GALNTL5: variants seen among roughly 807,000 people sequenced by gnomAD.
The protein encoded by GALNTL5 is polypeptide N-acetylgalactosaminyltransferase like 5.
In GALNTL5, 44 loss-of-function variants were observed where a neutral mutation model predicts 51.0. That is an observed-to-expected ratio of 0.86 (90% CI 0.68 to 1.11). GALNTL5 has a LOEUF of 1.11. Among genes scored for constraint, GALNTL5 ranks in the 50% least tolerant of loss-of-function variants. GALNTL5 has a pLI of 0.00. For missense variants in GALNTL5, 528 were observed against 531.8 expected, an observed-to-expected ratio of 0.99 and a Z score of 0.07; for synonymous variants, 192 against 182.8, an observed-to-expected ratio of 1.05 and a Z score of -0.41.
chr7:152,003,520 C>T (rs1470516404), intron 6 of GALNTL5, among the ~76,000 whole-genome samples: 4 of 152,144 alleles, frequency 2.6e-5, no homozygotes, highest in Non-Finnish European at 5.9e-5. Context: ...TTCTTAGGAT[C>T]GTTGAGGGGA....
At chr7:151,993,579 GGC>G (rs1403829644) in intron 5 of GALNTL5, among the ~76,000 whole-genome samples, 3 of 151,976 alleles carry the variant, frequency 2.0e-5, no homozygotes, top group African/African-American at 7.3e-5. Flanking sequence ...TTTCTGTTGT[GGC>G]TTAAGCTAGG....
chr7:151,971,056 G>T lies in GALNTL5; in HGVS notation c.359G>T (p.Arg120Met). The T allele has an allele frequency of 1.9e-6, 3 of 1,608,534 alleles. No individual in the cohort carries two copies. Among genetic ancestry groups the T allele is most frequent in the Non-Finnish European group, 2.6e-6 (3 of 1,175,826 alleles). ...ATCGAAAGAGAAGTGCCAGATACCA[G>T]GAGTAAAATGTATGTTGTCTCTCTC... ...LGIEREVPDT[R>M]SKMCLQKHYP... is the part of the protein sequence containing the mutation. Residue 120 changes from arginine (R) to methionine (M), a missense_variant, in exon 3 of 9, where the codon AGG becomes ATG. Transcript: ENST00000392800.
At chr7:151,986,496 G>A (rs991069090) in intron 4 of GALNTL5, among the ~76,000 whole-genome samples, 6 of 152,126 alleles carry the variant, frequency 3.9e-5, no homozygotes, top group African/African-American at 1.4e-4. Context: ...TTAGCCAGGT[G>A]TTGTGGTGCA....
chr7:152,008,209 T>C (rs187475487), intron 7 of GALNTL5, among the ~76,000 whole-genome samples: 1,485 of 146,760 alleles, frequency 0.01, 18 homozygotes, highest in African/African-American at 0.036. Flanking sequence ...AAGCCAGGAG[T>C]TCAAGACCAG....
chr7:151,970,983 G>T lies in GALNTL5; in HGVS notation c.286G>T (p.Glu96Ter), dbSNP rs985631853. 2 of 1,606,970 alleles carry T rather than the reference G, an allele frequency of 1.2e-6. No individual in the cohort carries two copies. The highest frequency in any genetic ancestry group is 1.1e-5 in the South Asian group (1 of 90,622). The change falls in exon 3 of 9, where the codon GAA becomes TAA. Residue 96 changes from glutamate to a stop codon, truncating the protein, a stop_gained. Transcript: ENST00000392800. LOFTEE classifies it high-confidence loss of function. ...CCATACAAACCCAGAACTTCATAAA[G>T]AACTTTTAAAATATGGATTTAATGT... is the stretch of plus-strand genomic sequence containing the variant. The part of the protein sequence containing the change: ...FNHTNPELHK[E>*]LLKYGFNVII...
In GALNTL5 at chr7:151,967,397, A is replaced by C; in HGVS notation, c.151A>C (p.Lys51Gln). The C allele has an allele frequency of 6.2e-7, 1 of 1,614,168 alleles. No individual in the cohort carries two copies. Among genetic ancestry groups the C allele is most frequent in the Non-Finnish European group, 8.5e-7 (1 of 1,180,032 alleles). Residue 51 changes from lysine (K) to glutamine (Q), a missense_variant, in exon 2 of 9, where the codon AAA becomes CAA. Physicochemically the swap from Lys to Gln is moderately conservative, Grantham distance 53. Coordinates refer to ENST00000392800, the MANE Select transcript of GALNTL5 (RefSeq NM_145292.4). ...TCTGTCAGCTTGGTCCCCTGGAAAA[A>C]AAGTGCATCAGCAAATTATCTATGG... is the stretch of plus-strand genomic sequence containing the variant. ...EPLSAWSPGK[K>Q]VHQQIIYGSE...
chr7:152,019,239 C>A (rs2081858330), intron 8 of GALNTL5, among the ~76,000 whole-genome samples: 1 of 152,228 alleles, frequency 6.6e-6, no homozygotes, highest in African/African-American at 2.4e-5. Flanking sequence ...TGTACTCCTG[C>A]AGGATCTATT....
intron 6 of GALNTL5, among the ~76,000 whole-genome samples, chr7:152,006,704 C>T (rs1197074749): frequency 6.6e-6 from 1 of 152,160 alleles, no homozygotes; most frequent in African/African-American, 2.4e-5. Context: ...ACTCATATCC[C>T]TAAAACATAG....
At chr7:152,008,396 A>T (rs1295012926) in intron 7 of GALNTL5, among the ~76,000 whole-genome samples, 1 of 151,752 alleles carries the variant, frequency 6.6e-6, no homozygotes, top group Non-Finnish European at 1.5e-5. Context: ...TTCTTAAAAT[A>T]AATATATTTA....
At chr7:151,978,795 T>C (rs914682080) in intron 3 of GALNTL5, among the ~76,000 whole-genome samples, 1 of 152,214 alleles carries the variant, frequency 6.6e-6, no homozygotes, top group Non-Finnish European at 1.5e-5. Context: ...CTTCCCTTTG[T>C]ATATGTCTGT....
At chr7:152,005,815 C>T (rs1315264490) in intron 6 of GALNTL5, among the ~76,000 whole-genome samples, 1 of 152,148 alleles carries the variant, frequency 6.6e-6, no homozygotes, top group Admixed American at 6.5e-5. Flanking sequence ...TTACTTAGGA[C>T]TCAATCTATA....
intron 5 of GALNTL5, among the ~76,000 whole-genome samples, chr7:151,988,073 C>T (rs1291923003): frequency 2.6e-5 from 4 of 152,174 alleles, no homozygotes; most frequent in Non-Finnish European, 5.9e-5. Flanking sequence ...AAGGGACATC[C>T]GAGCAGCACA....
chr7:151,964,624 C>T lies in GALNTL5; in HGVS notation c.-39-2584C>T, dbSNP rs187741951. Among the ~76,000 whole-genome samples, 4 of 152,262 alleles carry T rather than the reference C, an allele frequency of 2.6e-5. No individual in the cohort carries two copies. The East Asian group carries it at 5.8e-4, about 22-fold the overall frequency. On this transcript the variant is annotated intron_variant, in intron 1 of 8. Coordinates refer to ENST00000392800, the MANE Select transcript of GALNTL5 (RefSeq NM_145292.4). ...GTGGAACTGTAAGTCCATTAAACCCCTTTTCCTGTATAAATTACCCAGCCT... is the reference window on the plus strand; with the variant it reads ...GTGGAACTGTAAGTCCATTAAACCCTTTTTCCTGTATAAATTACCCAGCCT...
At chr7:152,004,617 C>G (rs114281198) in intron 6 of GALNTL5, among the ~76,000 whole-genome samples, 1,677 of 152,218 alleles carry the variant, frequency 0.011, 28 homozygotes, top group African/African-American at 0.034. Context: ...CTGTCACCAC[C>G]CTTCTGTCTC....
intron 5 of GALNTL5, among the ~76,000 whole-genome samples, chr7:151,997,982 G>A (rs529212464): frequency 2.0e-5 from 3 of 152,286 alleles, no homozygotes; most frequent in African/African-American, 7.2e-5. Context: ...CAAGAGGATT[G>A]CTTGAGGCCA....
chr7:152,000,711 T>C (rs775315169), intron 5 of GALNTL5, among the ~76,000 whole-genome samples: 14 of 152,212 alleles, frequency 9.2e-5, no homozygotes, highest in Non-Finnish European at 1.8e-4. Flanking sequence ...CAGCCATTTA[T>C]ACGTCTTTGC....
rs1563030411 is a variant in GALNTL5, at chr7:152,019,711, T to C, written c.1242T>C (p.Val414=). The stretch of plus-strand genomic sequence containing the variant: ...CCTACGGAAATATTCGCGAGCGTGT[T>C]GAGTTAAGGAAACGACTGGGTTGCA... ...YVTYGNIRER[V]ELRKRLGCKS... is the part of the protein sequence containing the mutation. Residue 414 remains valine (V), a synonymous_variant, in exon 9 of 9, where the codon GTT becomes GTC. Coordinates refer to ENST00000392800, the MANE Select transcript of GALNTL5 (RefSeq NM_145292.4). 5.0e-6 allele frequency: 8 copies of C among 1,613,830 alleles called. No individual in the cohort carries two copies. Among genetic ancestry groups the C allele is most frequent in the Non-Finnish European group, 6.8e-6 (8 of 1,179,746 alleles).
At chr7:151,979,106 CTT>C (rs397888897) in intron 3 of GALNTL5, among the ~76,000 whole-genome samples, 3 of 71,154 alleles carry the variant, frequency 4.2e-5, no homozygotes, top group Non-Finnish European at 6.1e-5. Context: ...TACTTTTACT[CTT>C]TTTTTTTTTT....
chr7:151,967,839 A>G (rs2081079292), intron 2 of GALNTL5, among the ~76,000 whole-genome samples: 1 of 151,976 alleles, frequency 6.6e-6, no homozygotes. Flanking sequence ...TGTCTTTCTC[A>G]TGTATGTCTT....
Sources: gnomAD v4.1 joint callset for allele counts (sites outside exome capture counted in the v4.1 genomes callset) on GRCh38, gnomAD v4.1.1 for gene constraint, MANE v1.5 for transcripts, NCBI Gene and HGNC (gene_info 2026-07-23, HGNC 2026-07-21) for gene names.